DCC: variants seen among roughly 807,000 people sequenced by gnomAD.
The protein encoded by DCC is netrin receptor DCC.
A neutral mutation model predicts 172.5 loss-of-function variants in DCC; 58 were observed. The observed-to-expected ratio is 0.34, with a 90% CI of 0.27 to 0.42. The LOEUF is 0.42. Among genes scored for constraint, DCC ranks in the 10% least tolerant of loss-of-function variants. The probability of loss-of-function intolerance (pLI) is 1.00; values close to 1 mark genes in which losing one functional copy is unlikely to be tolerated. For missense variants in DCC, 1,740 were observed against 1,791.0 expected, an observed-to-expected ratio of 0.97 and a Z score of 0.51; for synonymous variants, 709 against 644.5, an observed-to-expected ratio of 1.10 and a Z score of -1.52.
At chr18:53,090,730 A>AAAAAAAAT (rs1568298481) in intron 7 of DCC, among the ~76,000 whole-genome samples, 1 of 133,070 alleles carries the variant, frequency 7.5e-6, no homozygotes, top group Non-Finnish European at 1.6e-5. Context: ...AAAAAAAAAA[A>AAAAAAAAT]AAAAGAATGT....
At chr18:53,029,459 A>T (rs2041998683) in intron 5 of DCC, among the ~76,000 whole-genome samples, 1 of 152,170 alleles carries the variant, frequency 6.6e-6, no homozygotes, top group South Asian at 2.1e-4. Flanking sequence ...GGTAGAAATA[A>T]TCACTGGGCA....
At chr18:52,470,693 C>G (rs545317028) in intron 1 of DCC, among the ~76,000 whole-genome samples, 1 of 152,302 alleles carries the variant, frequency 6.6e-6, no homozygotes, top group African/African-American at 2.4e-5. Flanking sequence ...CTTTTGTTTG[C>G]TAAATCCCAA....
intron 5 of DCC, among the ~76,000 whole-genome samples, chr18:52,951,655 T>C (rs1027724105): frequency 2.6e-5 from 4 of 152,162 alleles, no homozygotes; most frequent in Admixed American, 2.0e-4. Context: ...TCAAAATAAA[T>C]TTATATTTGG....
chr18:53,398,566 G>A (rs1909100691), intron 18 of DCC, among the ~76,000 whole-genome samples: 1 of 152,084 alleles, frequency 6.6e-6, no homozygotes, highest in Admixed American at 6.5e-5. Context: ...TACTTGAAAG[G>A]AGATGAATGT....
intron 1 of DCC, among the ~76,000 whole-genome samples, chr18:52,378,975 CTTG>C (rs1025647377): frequency 2.0e-5 from 3 of 152,098 alleles, no homozygotes; most frequent in African/African-American, 7.2e-5. Context: ...TGTACGTGCC[CTTG>C]TTGTAGGAAA....
In DCC at chr18:53,101,815, G is replaced by A. The variant is rs867609440; in HGVS notation, c.1261+35649G>A. On this transcript the variant is annotated intron_variant, in intron 7 of 28. Transcript: ENST00000442544. ...GACTACCACTGGGCTGTGTGTGTGT[G>A]TGTGTGTGTGTATTTGTGTGTGTGT... is the stretch of plus-strand genomic sequence containing the variant. 1.7e-3 allele frequency among the ~76,000 whole-genome samples: 198 copies of A among 117,204 alleles called. 2 individuals carry two copies. Among genetic ancestry groups the A allele is most frequent in the South Asian group, 0.013 (57 of 4,230 alleles). The allele number at this position is 117,204 out of a possible 152,430, so 76.9% of individuals were successfully genotyped here.
rs35238619 is a variant in DCC at position 53,448,047 on chromosome 18, G to GTTTTTTT, written c.3230-2436_3230-2430dup. Among the ~76,000 whole-genome samples, 326 of 113,692 alleles carry GTTTTTTT rather than the reference G, an allele frequency of 2.9e-3. 3 individuals carry two copies. Among genetic ancestry groups the GTTTTTTT allele is most frequent in the Admixed American group, 0.012 (128 of 10,722 alleles). 74.6% of individuals were successfully genotyped at this position (113,692 alleles called of 152,430 possible). A position where few individuals can be genotyped will look rare whatever the true frequency, so the allele number is the denominator to read the frequency against. ...CTATAATTTATTTAAATTTTGATGA[G>GTTTTTTT]TTTTTTTTTTTTTTTTTTTTTTTAC... On this transcript the variant is annotated intron_variant, in intron 22 of 28. Transcript: ENST00000442544.
intron 5 of DCC, among the ~76,000 whole-genome samples, chr18:52,970,042 TAAAG>T (rs2041004460): frequency 6.6e-6 from 1 of 152,098 alleles, no homozygotes; most frequent in Non-Finnish European, 1.5e-5. Flanking sequence ...AATTACTTAA[TAAAG>T]AATTATGATT....
chr18:52,931,506 C>A (rs1339228585), intron 5 of DCC, among the ~76,000 whole-genome samples: 2 of 152,056 alleles, frequency 1.3e-5, no homozygotes, highest in African/African-American at 4.8e-5. Flanking sequence ...AACTAACAGA[C>A]TTTTCAAGTA....
chr18:52,674,388 C>T (rs1027661472), intron 1 of DCC, among the ~76,000 whole-genome samples: 1 of 152,254 alleles, frequency 6.6e-6, no homozygotes, highest in South Asian at 2.1e-4. Flanking sequence ...CCTTCTCCTT[C>T]CATTTGCTTC....
intron 1 of DCC, among the ~76,000 whole-genome samples, chr18:52,580,330 T>C (rs754799690): frequency 6.6e-6 from 1 of 152,222 alleles, no homozygotes; most frequent in Non-Finnish European, 1.5e-5. Context: ...CGATCTCGGC[T>C]CACTGCAGCC....
At chr18:52,940,819 A>G (rs1388257777) in intron 5 of DCC, 2 of 152,194 alleles carry the variant, frequency 1.3e-5, no homozygotes, top group Admixed American at 6.6e-5. Flanking sequence ...CAAAAGGTCA[A>G]TCAAATGCCA....
intron 1 of DCC, among the ~76,000 whole-genome samples, chr18:52,649,462 T>C (rs1280891880): frequency 6.6e-6 from 1 of 151,792 alleles, no homozygotes; most frequent in African/African-American, 2.4e-5. Context: ...TTAAGGGGTA[T>C]AAATGCAGTT....
intron 22 of DCC, among the ~76,000 whole-genome samples, chr18:53,447,723 GTTAA>G (rs374807245): frequency 1.8e-4 from 27 of 152,122 alleles, no homozygotes; most frequent in African/African-American, 6.5e-4. Flanking sequence ...CACATAAAAG[GTTAA>G]TTTATTCCAA....
intron 2 of DCC, among the ~76,000 whole-genome samples, chr18:52,761,926 G>GAA (rs1198775414): frequency 3.4e-5 from 3 of 87,888 alleles, no homozygotes; most frequent in African/African-American, 1.5e-4. Context: ...AAAAAAAAAA[G>GAA]AAAAAAAAAA....
At chr18:52,693,943 A>G (rs182105585) in intron 1 of DCC, among the ~76,000 whole-genome samples, 16 of 152,284 alleles carry the variant, frequency 1.1e-4, no homozygotes, top group East Asian at 3.9e-4. Flanking sequence ...TCCAAATAAT[A>G]TAAGTGTGGG....
chr18:52,415,746 T>C (rs1211993297), intron 1 of DCC, among the ~76,000 whole-genome samples: 1 of 152,184 alleles, frequency 6.6e-6, no homozygotes, highest in Non-Finnish European at 1.5e-5. Context: ...TTATTGCGTC[T>C]ATTTGATTCT....
chr18:53,256,643 C>A (rs1215870335), intron 12 of DCC, among the ~76,000 whole-genome samples: 1 of 152,070 alleles, frequency 6.6e-6, no homozygotes, highest in Non-Finnish European at 1.5e-5. Flanking sequence ...AGTCAGGTAG[C>A]ATGATGCCTC....
chr18:52,404,985 C>T (rs931351432), intron 1 of DCC, among the ~76,000 whole-genome samples: 4 of 151,926 alleles, frequency 2.6e-5, no homozygotes, highest in Non-Finnish European at 5.9e-5. Flanking sequence ...CTACAAAGGA[C>T]ATGAGCTCAT....
Sources: allele counts gnomAD v4.1 joint callset (sites outside exome capture counted in the v4.1 genomes callset), GRCh38; gene constraint gnomAD v4.1.1; transcripts MANE v1.5; gene names NCBI Gene and HGNC (gene_info 2026-07-23, HGNC 2026-07-21).